The following KLF8 variants were observed in gnomAD, a reference collection of about 807,000 sequenced individuals.
The protein encoded by KLF8 is Krueppel-like factor 8.
A neutral mutation model predicts 18.2 loss-of-function variants in KLF8; 10 were observed. The ratio of observed to expected loss-of-function variants is 0.55; its 90% CI spans 0.34 to 0.93. The LOEUF (loss-of-function observed/expected upper bound fraction) is 0.93. Ranked by LOEUF, KLF8 falls within the 40% of genes least tolerant of loss-of-function variation. The probability of loss-of-function intolerance (pLI) is 0.02; values close to 1 mark genes in which losing one functional copy is unlikely to be tolerated. For missense variants in KLF8, 264 were observed against 277.9 expected, an observed-to-expected ratio of 0.95 and a Z score of 0.36; for synonymous variants, 109 against 97.3, an observed-to-expected ratio of 1.12 and a Z score of -0.71.
At chrX:56,191,895 C>G in the KLF8 span, among the ~76,000 whole-genome samples, 4 of 111,181 alleles carry the variant, frequency 3.6e-5, no homozygotes, top group East Asian at 8.4e-4. Flanking sequence ...AAATTTAAAG[C>G]CTTTGCCTAA....
the KLF8 span, among the ~76,000 whole-genome samples, chrX:56,040,178 T>A: frequency 2.2e-4 from 25 of 111,531 alleles, 1 homozygote; most frequent in African/African-American, 8.1e-4. Flanking sequence ...CAAACAAAGA[T>A]AATTTGAGTT....
At chrX:56,105,655 C>T in the KLF8 span, among the ~76,000 whole-genome samples, 1 of 109,280 alleles carries the variant, frequency 9.2e-6, no homozygotes. Context: ...GTTCTTGACT[C>T]TTTATCCAAT....
At chrX:56,187,985 A>T in the KLF8 span, among the ~76,000 whole-genome samples, 1 of 111,653 alleles carries the variant, frequency 9.0e-6, no homozygotes. Context: ...GCCCTCTCTC[A>T]CCACTCCTAT....
At chrX:56,165,091 T>G in the KLF8 span, among the ~76,000 whole-genome samples, 2 of 108,714 alleles carry the variant, frequency 1.8e-5, no homozygotes, top group African/African-American at 6.7e-5. Flanking sequence ...CTCATCATTT[T>G]TTATGGCTGC....
chrX:56,184,426 G>A, the KLF8 span, among the ~76,000 whole-genome samples: 2 of 112,581 alleles, frequency 1.8e-5, no homozygotes, highest in African/African-American at 6.4e-5. Context: ...GCCTCTGTAG[G>A]CTCCACCTCT....
the KLF8 span, among the ~76,000 whole-genome samples, chrX:56,182,624 A>C: frequency 8.9e-6 from 1 of 112,147 alleles, no homozygotes; most frequent in African/African-American, 3.2e-5. Flanking sequence ...GTCTTTGATC[A>C]TGGTGACCTA....
the KLF8 span, among the ~76,000 whole-genome samples, chrX:55,968,689 C>A: frequency 8.9e-6 from 1 of 111,909 alleles, no homozygotes; most frequent in Non-Finnish European, 1.9e-5. Flanking sequence ...TCTGCACATG[C>A]TTTCTTGCCT....
chrX:55,912,789 C>T, the KLF8 span, among the ~76,000 whole-genome samples: 1 of 111,708 alleles, frequency 9.0e-6, no homozygotes, highest in African/African-American at 3.3e-5. Flanking sequence ...TTGAAGACCT[C>T]CTTTGTATCA....
the KLF8 span, among the ~76,000 whole-genome samples, chrX:55,918,144 T>C: frequency 1.8e-5 from 2 of 111,909 alleles, no homozygotes; most frequent in Non-Finnish European, 3.8e-5. Context: ...ATAAAGGAAG[T>C]TGTTTCTACC....
chrX:56,045,300 C>G, the KLF8 span, among the ~76,000 whole-genome samples: 2 of 111,677 alleles, frequency 1.8e-5, no homozygotes, highest in African/African-American at 6.5e-5. Flanking sequence ...GTGACTAGGG[C>G]CTTATAGTAT....
chrX:56,192,689 G>T, the KLF8 span, among the ~76,000 whole-genome samples: 21 of 112,009 alleles, frequency 1.9e-4, no homozygotes, highest in African/African-American at 5.5e-4. Context: ...TTTGACAAAG[G>T]TGCCAATAAC....
chrX:55,982,858 C>T, the KLF8 span, among the ~76,000 whole-genome samples: 1 of 111,824 alleles, frequency 8.9e-6, no homozygotes, highest in Non-Finnish European at 1.9e-5. Context: ...TGTCAGAGGT[C>T]ACAAATATAA....
At chrX:55,912,794 G>T in the KLF8 span, among the ~76,000 whole-genome samples, 1 of 111,442 alleles carries the variant, frequency 9.0e-6, no homozygotes, top group East Asian at 2.8e-4. Context: ...GACCTCCTTT[G>T]TATCAGGCCC....
At chrX:56,075,740 A>G in the KLF8 span, among the ~76,000 whole-genome samples, 1 of 111,473 alleles carries the variant, frequency 9.0e-6, no homozygotes, top group Non-Finnish European at 1.9e-5. Context: ...TAATTTTTAG[A>G]TCTCACAAAT....
chrX:56,262,659 T>TATC (rs2066899518), intron 2 of KLF8, among the ~76,000 whole-genome samples: 1 of 110,866 alleles, frequency 9.0e-6, no homozygotes, highest in African/African-American at 3.3e-5. Context: ...AGTGAATTAT[T>TATC]ATTATTATTA....
In KLF8 at chrX:56,290,374, GAGA is replaced by G. The variant is rs2067310787; in HGVS notation, c.*5884_*5886del. 8.9e-6 allele frequency among the ~76,000 whole-genome samples: 1 copy of G among 111,792 alleles called. No homozygotes were observed. The highest frequency in any genetic ancestry group is 3.3e-5 in the African/African-American group (1 of 30,763). On this transcript the variant is annotated 3_prime_UTR_variant, in exon 6 of 6. Coordinates refer to ENST00000468660, the MANE Select transcript of KLF8 (RefSeq NM_007250.5). Reference sequence around the variant, plus strand: ...TACCTTATATTTACCCTATGTAAAAGAGAAGATTAGGCTTCCTAGGTGATAAAC... The same window carrying G: ...TACCTTATATTTACCCTATGTAAAAGAGATTAGGCTTCCTAGGTGATAAAC...
chrX:56,049,843 T>A, the KLF8 span, among the ~76,000 whole-genome samples: 2 of 108,841 alleles, frequency 1.8e-5, no homozygotes, highest in Non-Finnish European at 3.8e-5. Context: ...GAAGGAATGG[T>A]ACCAGTTCCT....
At chrX:56,056,211 A>C in the KLF8 span, among the ~76,000 whole-genome samples, 4 of 109,759 alleles carry the variant, frequency 3.6e-5, no homozygotes, top group South Asian at 1.6e-3. Flanking sequence ...TTTTATTTTT[A>C]AAATTTTTGG....
At chrX:55,922,700 G>A in the KLF8 span, among the ~76,000 whole-genome samples, 1 of 112,594 alleles carries the variant, frequency 8.9e-6, no homozygotes, top group Non-Finnish European at 1.9e-5. Flanking sequence ...GGATATACAT[G>A]TGGCCAACAA....
Sources: allele counts gnomAD v4.1 joint callset (sites outside exome capture counted in the v4.1 genomes callset), GRCh38; gene constraint gnomAD v4.1.1; transcripts MANE v1.5; gene names NCBI Gene and HGNC (gene_info 2026-07-23, HGNC 2026-07-21).